Variants in SLAIN2 observed in about 807,000 individuals in gnomAD.
SLAIN2 encodes the protein SLAIN motif-containing protein 2.
In SLAIN2, 31 loss-of-function variants were observed where a neutral mutation model predicts 56.6. The ratio of observed to expected loss-of-function variants is 0.55; its 90% CI spans 0.41 to 0.74. SLAIN2 has a LOEUF of 0.74. SLAIN2 is among the 30% of genes least tolerant of loss of function. SLAIN2 has a pLI of 0.00. For synonymous variants in SLAIN2, 317 were observed against 284.9 expected, an observed-to-expected ratio of 1.11 and a Z score of -1.13; for missense variants, 777 against 754.2, an observed-to-expected ratio of 1.03 and a Z score of -0.35.
intron 6 of SLAIN2, among the ~76,000 whole-genome samples, chr4:48,405,132 G>T (rs1202040398): frequency 6.6e-6 from 1 of 152,074 alleles, no homozygotes; most frequent in Admixed American, 6.6e-5. Flanking sequence ...AATAAAACAC[G>T]AAATCAGAAA....
chr4:48,383,042 T>C lies in SLAIN2; in HGVS notation c.1222+115T>C, dbSNP rs1053384652. The C allele has an allele frequency of 1.0e-4, 112 of 1,094,436 alleles. No individual in the cohort carries two copies. The African/African-American group carries it at 1.6e-3, about 16-fold the overall frequency. The allele number at this position is 1,094,436 out of a possible 1,614,324, so 67.8% of individuals were successfully genotyped here. A position where few individuals can be genotyped will look rare whatever the true frequency, so the allele number is the denominator to read the frequency against. ...AATTAGCTGGGCATGGTGGTGCACA[T>C]CTATAGTCCTAGTGACTTGAGAGGC... On this transcript the variant is annotated intron_variant, in intron 5 of 7. Coordinates refer to ENST00000264313, the MANE Select transcript of SLAIN2 (RefSeq NM_020846.2).
chr4:48,366,836 T>C (rs1278592894), intron 1 of SLAIN2, among the ~76,000 whole-genome samples: 1 of 152,170 alleles, frequency 6.6e-6, no homozygotes, highest in Non-Finnish European at 1.5e-5. Context: ...TTTAAGCAAG[T>C]AAAAACTTGT....
chr4:48,378,062 TA>T lies in SLAIN2; in HGVS notation c.703+4del. The T allele has an allele frequency of 1.2e-6, 2 of 1,611,940 alleles. No homozygotes were observed. Among genetic ancestry groups the T allele is most frequent in the Non-Finnish European group, 1.7e-6 (2 of 1,179,306 alleles). ...AGCTTATACTTCCTGGAAATTCAGG[TA>T]AGGAGAAAATGATATGGAGCTATTA... On this transcript the variant is annotated splice_donor_region_variant and intron_variant, in intron 3 of 7. Transcript: ENST00000264313.
intron 6 of SLAIN2, among the ~76,000 whole-genome samples, chr4:48,408,347 C>CAA (rs1030673491): frequency 7.3e-6 from 1 of 136,748 alleles, no homozygotes; most frequent in Non-Finnish European, 1.6e-5. Flanking sequence ...CTAAAACGAA[C>CAA]AAAAAAAAAA....
intron 1 of SLAIN2, among the ~76,000 whole-genome samples, chr4:48,355,453 A>T (rs1356183339): frequency 2.0e-5 from 3 of 152,182 alleles, no homozygotes; most frequent in Non-Finnish European, 2.9e-5. Flanking sequence ...TTTTAGGACA[A>T]TGTCAATTCT....
chr4:48,378,737 T>A (rs1338224405), intron 3 of SLAIN2, among the ~76,000 whole-genome samples: 2 of 152,232 alleles, frequency 1.3e-5, no homozygotes, highest in Non-Finnish European at 2.9e-5. Flanking sequence ...GGTTGTTACT[T>A]GCTACTTACT....
At chr4:48,408,074 T>C (rs923107322) in intron 6 of SLAIN2, among the ~76,000 whole-genome samples, 3 of 152,166 alleles carry the variant, frequency 2.0e-5, no homozygotes, top group African/African-American at 7.2e-5. Flanking sequence ...CAGTAGCTCA[T>C]GCCTATAATG....
intron 2 of SLAIN2, among the ~76,000 whole-genome samples, chr4:48,376,772 G>A (rs1384567363): frequency 3.3e-5 from 5 of 150,774 alleles, no homozygotes; most frequent in African/African-American, 7.3e-5. Flanking sequence ...ACAGGCGCCC[G>A]CCACCACACC....
At position 48,424,160 on chromosome 4, in the gene SLAIN2, T is replaced by C. The variant is rs1052617621; in HGVS notation, c.*2083T>C. 6.6e-6 allele frequency: 1 copy of C among 152,170 alleles called. No homozygotes were observed. Among genetic ancestry groups the C allele is most frequent in the African/African-American group, 2.4e-5 (1 of 41,452 alleles). The allele number at this position is 152,170 out of a possible 1,614,324, so 9.4% of individuals were successfully genotyped here. A position where few individuals can be genotyped will look rare whatever the true frequency, so the allele number is the denominator to read the frequency against. On this transcript the variant is annotated 3_prime_UTR_variant, in exon 8 of 8. Coordinates refer to ENST00000264313, the MANE Select transcript of SLAIN2 (RefSeq NM_020846.2). Reference sequence around the variant, plus strand: ...AAATGTCTATTTTTTTTTATTAAAATATTTCATCACTTGTTAAAACATATT... The same window carrying C: ...AAATGTCTATTTTTTTTTATTAAAACATTTCATCACTTGTTAAAACATATT...
intron 6 of SLAIN2, among the ~76,000 whole-genome samples, chr4:48,392,600 C>A (rs1049814733): frequency 8.5e-5 from 13 of 152,124 alleles, no homozygotes; most frequent in Non-Finnish European, 1.9e-4. Flanking sequence ...ATCTCAGTAT[C>A]TTTTTCAATT....
chr4:48,406,325 G>C (rs1716694090), intron 6 of SLAIN2, among the ~76,000 whole-genome samples: 1 of 152,092 alleles, frequency 6.6e-6, no homozygotes, highest in Non-Finnish European at 1.5e-5. Context: ...TAAATGCAGA[G>C]CTTGTGGGCA....
chr4:48,374,190 C>CCAGA (rs1416631018), intron 2 of SLAIN2, among the ~76,000 whole-genome samples: 1 of 152,150 alleles, frequency 6.6e-6, no homozygotes, highest in Non-Finnish European at 1.5e-5. Flanking sequence ...TACATAGGAA[C>CCAGA]CAGACTCTGT....
intron 2 of SLAIN2, 78 bp from the exon 3 acceptor site, chr4:48,377,818 T>G (rs1715862191): frequency 7.4e-7 from 1 of 1,344,180 alleles, no homozygotes; most frequent in Non-Finnish European, 1.0e-6. Context: ...TTTAGTTTTC[T>G]AATAGGAAAA....
At chr4:48,420,750 A>G (rs968817986) in intron 7 of SLAIN2, among the ~76,000 whole-genome samples, 1 of 152,222 alleles carries the variant, frequency 6.6e-6, no homozygotes, top group Non-Finnish European at 1.5e-5. Context: ...CATTTCGAAT[A>G]TAATTATATT....
intron 6 of SLAIN2, among the ~76,000 whole-genome samples, chr4:48,400,745 T>G (rs1716529097): frequency 6.6e-6 from 1 of 151,178 alleles, no homozygotes; most frequent in Non-Finnish European, 1.5e-5. Context: ...TTTTATTAAT[T>G]AAAAAAAAAG....
intron 6 of SLAIN2, among the ~76,000 whole-genome samples, chr4:48,393,798 A>C (rs1716294330): frequency 6.6e-6 from 1 of 152,024 alleles, no homozygotes; most frequent in Admixed American, 6.6e-5. Flanking sequence ...GGAAATTGGA[A>C]CCACTTTTAT....
At chr4:48,418,048 T>C (rs1471225042) in intron 6 of SLAIN2, among the ~76,000 whole-genome samples, 1 of 152,004 alleles carries the variant, frequency 6.6e-6, no homozygotes, top group Non-Finnish European at 1.5e-5. Context: ...GGGGACAGTT[T>C]CTAACCTCTG....
chr4:48,385,161 A>C (rs1716068402), intron 6 of SLAIN2, among the ~76,000 whole-genome samples: 1 of 152,216 alleles, frequency 6.6e-6, no homozygotes, highest in Non-Finnish European at 1.5e-5. Context: ...TGTTGGAGTA[A>C]ATGGGCATTG....
chr4:48,404,437 A>G (rs1388471779), intron 6 of SLAIN2, among the ~76,000 whole-genome samples: 1 of 152,132 alleles, frequency 6.6e-6, no homozygotes, highest in African/African-American at 2.4e-5. Flanking sequence ...TTGCTTCTCT[A>G]TTCTAGCCCC....
Sources: allele counts gnomAD v4.1 joint callset (sites outside exome capture counted in the v4.1 genomes callset), GRCh38; gene constraint gnomAD v4.1.1; transcripts MANE v1.5; gene names NCBI Gene and HGNC (gene_info 2026-07-23, HGNC 2026-07-21).